Variants in AK5 observed in about 807,000 individuals in gnomAD.
AK5 encodes the protein adenylate kinase isoenzyme 5.
Under a neutral mutation model 69.5 loss-of-function variants are expected in AK5, and 27 were observed. The observed-to-expected ratio is 0.39, with a 90% CI of 0.29 to 0.54. AK5 has a LOEUF of 0.54. AK5 is among the 20% of genes least tolerant of loss of function. The pLI, the probability that AK5 is intolerant of heterozygous loss-of-function variation, is 0.71. For missense variants in AK5, 531 were observed against 700.4 expected, an observed-to-expected ratio of 0.76 and a Z score of 2.73; for synonymous variants, 260 against 244.4, an observed-to-expected ratio of 1.06 and a Z score of -0.60.
intron 10 of AK5, among the ~76,000 whole-genome samples, chr1:77,513,391 C>T (rs1410164943): frequency 2.0e-5 from 3 of 152,190 alleles, no homozygotes; most frequent in African/African-American, 7.2e-5. Flanking sequence ...ATGGAAAAGA[C>T]CCAGTTCTGG....
chr1:77,474,729 T>C (rs1216492482), intron 8 of AK5, among the ~76,000 whole-genome samples: 1 of 152,214 alleles, frequency 6.6e-6, no homozygotes, highest in East Asian at 1.9e-4. Context: ...AAAGGTGATG[T>C]GACAAAGGAT....
chr1:77,448,408 C>T (rs534059891), intron 8 of AK5, among the ~76,000 whole-genome samples: 141 of 152,234 alleles, frequency 9.3e-4, no homozygotes, highest in Non-Finnish European at 1.6e-3. Context: ...GTCTCCTCTC[C>T]GCTGAGGGCT....
intron 8 of AK5, among the ~76,000 whole-genome samples, chr1:77,439,952 G>T: frequency 6.6e-6 from 1 of 152,008 alleles, no homozygotes; most frequent in African/African-American, 2.4e-5. Context: ...ACTGCTTTCT[G>T]GGGTTTTGTA....
intron 6 of AK5, among the ~76,000 whole-genome samples, chr1:77,351,327 G>A (rs1229849428): frequency 6.6e-6 from 1 of 152,168 alleles, no homozygotes; most frequent in African/African-American, 2.4e-5. Flanking sequence ...CCCAGGAGAT[G>A]GAGGTTGCAA....
intron 6 of AK5, among the ~76,000 whole-genome samples, chr1:77,376,038 CT>C (rs1647223676): frequency 1.3e-5 from 2 of 152,168 alleles, no homozygotes; most frequent in African/African-American, 4.8e-5. Flanking sequence ...GTAGCTAATG[CT>C]GATATTTTTA....
chr1:77,292,852 T>C (rs1658768590), intron 2 of AK5, among the ~76,000 whole-genome samples: 1 of 152,184 alleles, frequency 6.6e-6, no homozygotes, highest in Admixed American at 6.5e-5. Context: ...ATTACCGTGG[T>C]GCTTATCAGA....
chr1:77,441,673 T>A (rs1292789130), intron 8 of AK5, among the ~76,000 whole-genome samples: 1 of 152,006 alleles, frequency 6.6e-6, no homozygotes, highest in African/African-American at 2.4e-5. Flanking sequence ...GCTTCCGGGG[T>A]CTTCCTATTC....
rs148425560 is a variant in AK5, at chr1:77,521,112, C to T, written c.1312-715C>T. ...GATGTCAAATTTTATAAAATATTTA[C>T]TGGAAAAAAAGTTAACAGTAAGATA... On this transcript the variant is annotated intron_variant, in intron 11 of 13. Transcript: ENST00000354567. Among the ~76,000 whole-genome samples, 516 of 151,480 alleles carry T rather than the reference C, an allele frequency of 3.4e-3. 1 individual carries two copies. The highest frequency in any genetic ancestry group is 0.012 in the African/African-American group (503 of 41,368).
intron 8 of AK5, among the ~76,000 whole-genome samples, chr1:77,423,378 G>GCCA (rs1242681592): frequency 6.6e-6 from 1 of 151,924 alleles, no homozygotes; most frequent in Non-Finnish European, 1.5e-5. Flanking sequence ...GCTGACAGAG[G>GCCA]CCACCTCTTC....
intron 8 of AK5, among the ~76,000 whole-genome samples, chr1:77,467,617 T>C (rs1409970202): frequency 6.6e-6 from 1 of 152,250 alleles, no homozygotes; most frequent in East Asian, 1.9e-4. Context: ...TGGCATAATC[T>C]TCTTCGTATT....
intron 8 of AK5, among the ~76,000 whole-genome samples, chr1:77,434,046 A>G (rs376145803): frequency 2.0e-5 from 3 of 151,582 alleles, no homozygotes; most frequent in Non-Finnish European, 2.9e-5. Context: ...CGTGGATGAC[A>G]AAAAGATAGA....
At chr1:77,444,079 A>G (rs1044675171) in intron 8 of AK5, among the ~76,000 whole-genome samples, 5 of 149,438 alleles carry the variant, frequency 3.3e-5, no homozygotes, top group South Asian at 2.1e-4. Context: ...GTATCCTTTG[A>G]CCTATAGCTA....
intron 12 of AK5, among the ~76,000 whole-genome samples, chr1:77,528,558 G>A (rs1345618788): frequency 5.3e-5 from 8 of 152,144 alleles, no homozygotes; most frequent in Non-Finnish European, 1.0e-4. Flanking sequence ...ACAGCTTAAG[G>A]GTAAGTCTAT....
chr1:77,384,897 C>T (rs562250128), intron 6 of AK5, among the ~76,000 whole-genome samples: 1 of 152,182 alleles, frequency 6.6e-6, no homozygotes, highest in East Asian at 1.9e-4. Context: ...GTTTGGTAGT[C>T]GTGGAGTGAG....
chr1:77,488,569 T>C (rs1655749843), intron 10 of AK5, among the ~76,000 whole-genome samples: 1 of 152,166 alleles, frequency 6.6e-6, no homozygotes, highest in Admixed American at 6.5e-5. Flanking sequence ...ATTTATTAAG[T>C]ATTAACTTAC....
chr1:77,555,994 G>C (rs4949809), intron 13 of AK5, among the ~76,000 whole-genome samples: 105,146 of 152,218 alleles, frequency 0.69, 37,628 homozygotes, highest in Non-Finnish European at 0.79. Flanking sequence ...TGTAGAACCT[G>C]TAGCTGGACA....
In AK5 at chr1:77,342,498, TA is replaced by T. The variant is rs534463163; in HGVS notation, c.891+1934del. ...GGATGACAGCCTGTAACCTCACTGCTAAAACCAAATGAGCTTTAAGATAAAT... is the reference window on the plus strand; with the variant it reads ...GGATGACAGCCTGTAACCTCACTGCTAAACCAAATGAGCTTTAAGATAAAT... On this transcript the variant is annotated intron_variant, in intron 6 of 13. Coordinates refer to ENST00000354567, the MANE Select transcript of AK5 (RefSeq NM_174858.3). Among the ~76,000 whole-genome samples, 19 of 152,330 alleles carry T rather than the reference TA, an allele frequency of 1.2e-4. No individual in the cohort carries two copies. The South Asian group carries it at 3.7e-3, about 30-fold the overall frequency.
intron 6 of AK5, among the ~76,000 whole-genome samples, chr1:77,405,871 A>G (rs533095784): frequency 3.3e-5 from 5 of 152,286 alleles, no homozygotes; most frequent in African/African-American, 9.6e-5. Flanking sequence ...GGTGCAGCTC[A>G]TAACATTGCC....
At position 77,297,649 on chromosome 1, in the gene AK5, A is replaced by G. The variant is rs1194473022; in HGVS notation, c.506A>G (p.Lys169Arg). Residue 169 changes from lysine to arginine, a missense_variant, in exon 4 of 14, where the codon AAG (lysine) becomes AGG (arginine). Physicochemically the swap from Lys to Arg is conservative, Grantham distance 26 (BLOSUM62 2). Transcript: ENST00000354567. ...ATTTCTGTGGGAGAATTATTAAGAA[A>G]GAAGATCCACAGTACCAGCAGCAAT... ...QYISVGELLR[K>R]KIHSTSSNRK... 6.2e-7 allele frequency: 1 copy of G among 1,614,024 alleles called. No individual in the cohort carries two copies. Among genetic ancestry groups the G allele is most frequent in the South Asian group, 1.1e-5 (1 of 91,038 alleles).
Sources: allele counts gnomAD v4.1 joint callset (sites outside exome capture counted in the v4.1 genomes callset), GRCh38; gene constraint gnomAD v4.1.1; transcripts MANE v1.5; gene names NCBI Gene and HGNC (gene_info 2026-07-23, HGNC 2026-07-21).